Variants in SCN1B observed in about 807,000 individuals in gnomAD.
SCN1B encodes the protein sodium channel regulatory subunit beta-1.
SCN1B carries 11 observed loss-of-function variants against 25.7 expected under a neutral mutation model. The observed-to-expected ratio is 0.43, with a 90% CI of 0.27 to 0.71. SCN1B has a LOEUF of 0.71. Among genes scored for constraint, SCN1B ranks in the 30% least tolerant of loss-of-function variants. SCN1B has a pLI of 0.21. For synonymous variants in SCN1B, 119 were observed against 117.5 expected, an observed-to-expected ratio of 1.01 and a Z score of -0.08; for missense variants, 224 against 291.5, an observed-to-expected ratio of 0.77 and a Z score of 1.69.
chr19:35,038,579 CCTGGCAGT>C (rs2064262192), intron 3 of SCN1B: 1 of 193,094 alleles, frequency 5.2e-6, no homozygotes, highest in Non-Finnish European at 1.1e-5. Context: ...GGATTTGAAC[CCTGGCAGT>C]CTGGCCCTAG....
chr19:35,034,737 C>T (rs549725498), intron 3 of SCN1B: 2 of 152,974 alleles, frequency 1.3e-5, no homozygotes, highest in African/African-American at 4.8e-5. Flanking sequence ...TCTCCCCACC[C>T]TCTGGGGTAG....
intron 1 of SCN1B, 48 bp downstream of exon 1, chr19:35,030,908 T>A: frequency 3.0e-6 from 1 of 337,470 alleles, no homozygotes; most frequent in Non-Finnish European, 4.6e-6. Flanking sequence ...GCGGGGGCAC[T>A]GGCGGGGCGG....
In SCN1B at chr19:35,039,824, C is replaced by A; in HGVS notation, c.*33C>A. The A allele has an allele frequency of 9.4e-7, 1 of 1,058,306 alleles. No individual in the cohort carries two copies. The highest frequency in any genetic ancestry group is 1.4e-6 in the Non-Finnish European group (1 of 712,154). The allele number at this position is 1,058,306 out of a possible 1,614,324, so 65.6% of individuals were successfully genotyped here. A position where few individuals can be genotyped will look rare whatever the true frequency, so the allele number is the denominator to read the frequency against. On this transcript the variant is annotated 3_prime_UTR_variant, in exon 6 of 6. Transcript: ENST00000262631. ...CCTGGGCCCCGCCTCAAGGAAGAGCCAGCCGTAATGGGGACTCTCCAGGCA... is the reference window on the plus strand; with the variant it reads ...CCTGGGCCCCGCCTCAAGGAAGAGCAAGCCGTAATGGGGACTCTCCAGGCA...
chr19:35,037,458 G>C (rs969639089), intron 3 of SCN1B: 1 of 152,242 alleles, frequency 6.6e-6, no homozygotes, highest in Non-Finnish European at 1.5e-5. Flanking sequence ...TTCCAGGAGT[G>C]GGGGCAAGAA....
At chr19:35,031,747 TAC>T (rs1406865752) in intron 1 of SCN1B, 1 of 153,296 alleles carries the variant, frequency 6.5e-6, no homozygotes, top group African/African-American at 2.4e-5. Flanking sequence ...CAGCGTTAGC[TAC>T]AGAGTGCTGG....
In SCN1B at chr19:35,035,359, G is replaced by A. The variant is rs376520392; in HGVS notation, c.448+1620G>A. 3.4e-3 allele frequency: 521 copies of A among 151,488 alleles called. 25 individuals are homozygous for A. In the South Asian group the frequency reaches 0.088, roughly 26 times the overall value. The allele number at this position is 151,488 out of a possible 1,614,324, so 9.4% of individuals were successfully genotyped here. On this transcript the variant is annotated intron_variant, in intron 3 of 5. Transcript: ENST00000262631. ...GGCTGGAGTGCAATGGCGTGATCTC[G>A]GCCCACTGCAACCTCTGCCTCCCAG...
At chr19:35,038,944 G>A in intron 3 of SCN1B, 173 bp from the exon 4 acceptor site, 2 of 739,662 alleles carry the variant, frequency 2.7e-6, no homozygotes, top group Non-Finnish European at 2.4e-6. Context: ...CAGGGAGGCA[G>A]GTTGAGGGTG....
rs1467232707 is a variant in SCN1B, at chr19:35,030,489, TCCGCGCCCGA to T, written c.-331_-322del. ...CGCTGCAGTGCGCAGGAGACCGCGG[TCCGCGCCCGA>T]GCGCGCCCGAGCCGGAGCGGGACCG... On this transcript the variant is annotated 5_prime_UTR_variant, in exon 1 of 6. Coordinates refer to ENST00000262631, the MANE Select transcript of SCN1B (RefSeq NM_001037.5). 5 of 168,324 alleles carry T rather than the reference TCCGCGCCCGA, an allele frequency of 3.0e-5. No individual in the cohort carries two copies. The highest frequency in any genetic ancestry group is 6.0e-5 in the Non-Finnish European group (5 of 83,212). The allele number at this position is 168,324 out of a possible 1,614,324, so 10.4% of individuals were successfully genotyped here.
chr19:35,033,975 C>G lies in SCN1B; in HGVS notation c.448+236C>G, dbSNP rs779470587. 5.2e-6 allele frequency: 8 copies of G among 1,552,016 alleles called. No individual in the cohort carries two copies. The Admixed American group carries it at 1.4e-4, about 27-fold the overall frequency. ...CTGTCCCCCACAGACGCTCCGGGTA[C>G]AGAACCCAGCTCTGTCACCTGTGCT... On this transcript the variant is annotated intron_variant, in intron 3 of 5. Coordinates refer to ENST00000262631, the MANE Select transcript of SCN1B (RefSeq NM_001037.5).
At chr19:35,036,765 T>TCA (rs1304952467) in intron 3 of SCN1B, 1 of 145,622 alleles carries the variant, frequency 6.9e-6, no homozygotes, top group Non-Finnish European at 1.5e-5. Flanking sequence ...ATTATTATTA[T>TCA]TTCAAGTTAG....
chr19:35,039,782 C>A lies in SCN1B; in HGVS notation c.*6-15C>A. On this transcript the variant is annotated splice_polypyrimidine_tract_variant and intron_variant, in intron 5 of 5. Coordinates refer to ENST00000262631, the MANE Select transcript of SCN1B (RefSeq NM_001037.5). ...CCCCCAGGTCCCTAATTCCCCCTCT[C>A]TTGCTCCCCTTCAGGCCCTGGGCCC... 6.9e-7 allele frequency: 1 copy of A among 1,444,184 alleles called. No homozygotes were observed. Among genetic ancestry groups the A allele is most frequent in the Non-Finnish European group, 9.6e-7 (1 of 1,037,890 alleles). 89.5% of individuals were successfully genotyped at this position (1,444,184 alleles called of 1,614,324 possible).
chr19:35,033,262 C>T (rs1250246791), intron 2 of SCN1B, among the ~76,000 whole-genome samples: 7 of 151,974 alleles, frequency 4.6e-5, no homozygotes, highest in Admixed American at 3.3e-4. Context: ...GGGAGGATGA[C>T]TGAGGAACGT....
chr19:35,030,812 C>T lies in SCN1B; in HGVS notation c.-9C>T, dbSNP rs66671189. On this transcript the variant is annotated 5_prime_UTR_variant, in exon 1 of 6. Transcript: ENST00000262631. ...CCCGGGAGGGGGGCGCAGCACGCGC[C>T]GCGCAGCCATGGGGAGGCTGCTGGC... 9.3e-7 allele frequency: 1 copy of T among 1,079,948 alleles called. No homozygotes were observed. 66.9% of individuals were successfully genotyped at this position (1,079,948 alleles called of 1,614,324 possible). A position where few individuals can be genotyped will look rare whatever the true frequency, so the allele number is the denominator to read the frequency against.
intron 3 of SCN1B, chr19:35,036,158 G>T (rs138746698): frequency 6.6e-6 from 1 of 151,650 alleles, no homozygotes; most frequent in Non-Finnish European, 1.5e-5. Flanking sequence ...GAGAGCCTCC[G>T]CGCCTGGCCT....
In SCN1B at chr19:35,033,491, AC is replaced by A. The variant is rs772433504; in HGVS notation, c.208-4del. On this transcript the variant is annotated splice_region_variant and splice_polypyrimidine_tract_variant and intron_variant, in intron 2 of 5. Coordinates refer to ENST00000262631, the MANE Select transcript of SCN1B (RefSeq NM_001037.5). ...CAGTGACACCTTCCCCTCCCTGGCT[AC>A]CCCTAGATCCTGCGCTATGAGAATG... is the stretch of plus-strand genomic sequence containing the variant. 18 of 1,613,188 alleles carry A rather than the reference AC, an allele frequency of 1.1e-5. No homozygotes were observed. Among genetic ancestry groups the A allele is most frequent in the Middle Eastern group, 1.7e-4 (1 of 5,940 alleles).
In SCN1B at chr19:35,039,973, C is replaced by T. The variant is rs1452004756; in HGVS notation, c.*182C>T. ...GCTCGCACCCCCACTTTCGCCTCCT[C>T]CAGCTCCTGCCCCGCCGGCCGCGCA... On this transcript the variant is annotated 3_prime_UTR_variant, in exon 6 of 6. Coordinates refer to ENST00000262631, the MANE Select transcript of SCN1B (RefSeq NM_001037.5). The T allele has an allele frequency of 1.8e-6, 1 of 555,552 alleles. No individual in the cohort carries two copies. The highest frequency in any genetic ancestry group is 3.2e-6 in the Non-Finnish European group (1 of 308,580). The allele number at this position is 555,552 out of a possible 1,614,324, so 34.4% of individuals were successfully genotyped here.
chr19:35,036,172 G>A (rs1330192429), intron 3 of SCN1B: 1 of 151,858 alleles, frequency 6.6e-6, no homozygotes, highest in African/African-American at 2.4e-5. Context: ...CTGGCCTACA[G>A]TATTTTTATT....
Position 35,032,678 on chromosome 19 carries a change from C to A in SCN1B, c.191C>A (p.Thr64Asn), listed in dbSNP as rs1030631985. ...FTEWTFRQKG[T>N]EEFVKILRYE... ...GAGTGGACCTTCCGCCAGAAGGGCA[C>A]TGAGGAGTTTGTCAAGGTGTGCGGG... The change falls in exon 2 of 6, where the codon ACT becomes AAT. Residue 64 changes from threonine (T) to asparagine (N), a missense_variant. Thr to Asn is a moderately conservative substitution (Grantham distance 65). Around this residue, in one of 3 missense-constraint regions of SCN1B, gnomAD observed 126 missense variants for 204.9 expected, o/e 0.61. Coordinates refer to ENST00000262631, the MANE Select transcript of SCN1B (RefSeq NM_001037.5). The surrounding 1 kb of genome is among the most constrained non-coding windows in gnomAD (Gnocchi z 4.3). 6.2e-7 allele frequency: 1 copy of A among 1,613,848 alleles called. No individual in the cohort carries two copies. The highest frequency in any genetic ancestry group is 8.5e-7 in the Non-Finnish European group (1 of 1,180,030).
In SCN1B at chr19:35,032,515, G is replaced by T. The variant is rs1425421261; in HGVS notation, c.41-13G>T. 1 of 1,613,222 alleles carries T rather than the reference G, an allele frequency of 6.2e-7. No homozygotes were observed. Among genetic ancestry groups the T allele is most frequent in the South Asian group, 1.1e-5 (1 of 91,086 alleles). ...GGGTGCCTCTGCCTGACCTGAGCCT[G>T]CTGTCCCCACAGTGTCCTCAGCCTG... On this transcript the variant is annotated splice_polypyrimidine_tract_variant and intron_variant, in intron 1 of 5. Coordinates refer to ENST00000262631, the MANE Select transcript of SCN1B (RefSeq NM_001037.5). The surrounding 1 kb of genome is among the most constrained non-coding windows in gnomAD (Gnocchi z 4.3).
Sources: allele counts gnomAD v4.1 joint callset (sites outside exome capture counted in the v4.1 genomes callset), GRCh38; gene constraint gnomAD v4.1.1; regional missense constraint gnomAD v4.1.1; non-coding constraint Gnocchi (gnomAD v3.1); transcripts MANE v1.5; gene names NCBI Gene and HGNC (gene_info 2026-07-23, HGNC 2026-07-21).